PTPN4: variants seen among roughly 807,000 people sequenced by gnomAD.
The protein encoded by PTPN4 is tyrosine-protein phosphatase non-receptor type 4.
A neutral mutation model predicts 135.5 loss-of-function variants in PTPN4; 49 were observed. The observed-to-expected ratio is 0.36, with a 90% CI of 0.29 to 0.46. The LOEUF (loss-of-function observed/expected upper bound fraction) is 0.46. Ranked by LOEUF, PTPN4 falls within the 20% of genes least tolerant of loss-of-function variation. The pLI is 1.00. For synonymous variants in PTPN4, 333 were observed against 369.9 expected (o/e 0.90, Z 1.14); for missense variants, 860 against 1,101.0 (o/e 0.78, Z 3.10).
In PTPN4 at chr2:119,970,211, A is replaced by C. The variant is rs1463123655; in HGVS notation, c.2694+2239A>C. On this transcript the variant is annotated intron_variant, in intron 26 of 26. Transcript: ENST00000263708. ...AGTAGCTGGGATTACAGGCACCCGCAACCACGCCCAGCTAATTTTTGTATT... is the reference window on the plus strand; with the variant it reads ...AGTAGCTGGGATTACAGGCACCCGCCACCACGCCCAGCTAATTTTTGTATT... Among the ~76,000 whole-genome samples, 4 of 151,730 alleles carry C rather than the reference A, an allele frequency of 2.6e-5. No homozygotes were observed. The South Asian group carries it at 6.2e-4, about 24-fold the overall frequency.
At chr2:119,807,162 A>G (rs926223796) in intron 1 of PTPN4, among the ~76,000 whole-genome samples, 7 of 152,210 alleles carry the variant, frequency 4.6e-5, no homozygotes, top group Admixed American at 3.9e-4. Flanking sequence ...ATTACAATGA[A>G]AAGAACTAGA....
intron 15 of PTPN4, among the ~76,000 whole-genome samples, chr2:119,941,719 C>T (rs1558770263): frequency 6.6e-6 from 1 of 152,200 alleles, no homozygotes; most frequent in African/African-American, 2.4e-5. Flanking sequence ...ATCTATACTT[C>T]ATTCTCCTCA....
chr2:119,935,164 T>C, intron 15 of PTPN4: 1 of 592,896 alleles, frequency 1.7e-6, no homozygotes, highest in Non-Finnish European at 2.9e-6. Flanking sequence ...TGTTATTTTG[T>C]TGACTTAGAC....
At chr2:119,830,376 T>C (rs537931239) in intron 2 of PTPN4, among the ~76,000 whole-genome samples, 8 of 152,212 alleles carry the variant, frequency 5.3e-5, no homozygotes, top group Admixed American at 4.6e-4. Context: ...GATTGGATCA[T>C]AAGGGTGGTT....
chr2:119,773,780 A>G (rs1690779115), intron 1 of PTPN4, among the ~76,000 whole-genome samples: 1 of 151,924 alleles, frequency 6.6e-6, no homozygotes, highest in South Asian at 2.1e-4. Flanking sequence ...GATGTCATGA[A>G]TACATAAAAT....
intron 14 of PTPN4, 73 bp downstream of exon 14, chr2:119,932,622 T>C (rs1449164390): frequency 1.5e-5 from 22 of 1,452,270 alleles, no homozygotes; most frequent in Non-Finnish European, 2.0e-5. Flanking sequence ...TATATTTTTA[T>C]GCCTGAAGAC....
intron 2 of PTPN4, among the ~76,000 whole-genome samples, chr2:119,816,029 A>G (rs976982944): frequency 3.3e-5 from 5 of 152,180 alleles, no homozygotes; most frequent in African/African-American, 1.2e-4. Context: ...AACAACAGGC[A>G]TACATCCTGA....
At chr2:119,773,258 A>G (rs1024211389) in intron 1 of PTPN4, among the ~76,000 whole-genome samples, 42 of 152,180 alleles carry the variant, frequency 2.8e-4, no homozygotes, top group African/African-American at 9.4e-4. Context: ...TTGGTGGAAA[A>G]TGCTACAAGT....
Position 119,923,001 on chromosome 2 carries a change from G to A in PTPN4, c.1001+2760G>A, listed in dbSNP as rs537006917. On this transcript the variant is annotated intron_variant, in intron 12 of 26. Transcript: ENST00000263708. Reference sequence around the variant, plus strand: ...TAATCTCTCTAGAATATGTAATAATGTTGCTTCTCTCATTCTTGGTAACTT... The same window carrying A: ...TAATCTCTCTAGAATATGTAATAATATTGCTTCTCTCATTCTTGGTAACTT... 2.0e-5 allele frequency among the ~76,000 whole-genome samples: 3 copies of A among 152,198 alleles called. 1 individual carries two copies. The South Asian group carries it at 6.2e-4, about 32-fold the overall frequency.
chr2:119,793,267 CT>C (rs979197774), intron 1 of PTPN4, among the ~76,000 whole-genome samples: 2 of 152,168 alleles, frequency 1.3e-5, no homozygotes, highest in African/African-American at 2.4e-5. Context: ...ATATTCCTTA[CT>C]GGGGAAAGAA....
chr2:119,768,826 AT>A (rs1690684857), intron 1 of PTPN4, among the ~76,000 whole-genome samples: 1 of 152,158 alleles, frequency 6.6e-6, no homozygotes, highest in Non-Finnish European at 1.5e-5. Context: ...CAGGACAGAA[AT>A]TTGTTAGAAA....
At position 119,957,050 on chromosome 2, in the gene PTPN4, A is replaced by G; in HGVS notation, c.2106A>G (p.Glu702=). Residue 702 remains glutamate (E), a synonymous_variant, in exon 22 of 27, where the codon GAA becomes GAG. Transcript: ENST00000263708. ...CACGGGTCATTTTAAAAGGTAATGA[A>G]GACTACATCAATGCGAACTATATAA... ...DATRVILKGN[E]DYINANYINM... is the part of the protein sequence containing the mutation. The G allele has an allele frequency of 6.2e-7, 1 of 1,610,478 alleles. No homozygotes were observed. The highest frequency in any genetic ancestry group is 8.5e-7 in the Non-Finnish European group (1 of 1,178,600).
chr2:119,930,570 T>C (rs559474935), intron 13 of PTPN4, among the ~76,000 whole-genome samples: 8 of 152,272 alleles, frequency 5.3e-5, no homozygotes, highest in African/African-American at 1.7e-4. Flanking sequence ...ACATCTAGAA[T>C]TCAGAGTCCT....
At chr2:119,959,451 A>G (rs1049950913) in intron 22 of PTPN4, among the ~76,000 whole-genome samples, 1 of 152,254 alleles carries the variant, frequency 6.6e-6, no homozygotes, top group Non-Finnish European at 1.5e-5. Context: ...GGTTAAATAT[A>G]CTATGGGGCC....
intron 2 of PTPN4, among the ~76,000 whole-genome samples, chr2:119,825,049 G>A (rs1364737504): frequency 6.6e-6 from 1 of 152,020 alleles, no homozygotes; most frequent in African/African-American, 2.4e-5. Context: ...AGTTGTATAG[G>A]GTCTTTCCTA....
intron 8 of PTPN4, among the ~76,000 whole-genome samples, chr2:119,883,446 T>G (rs948744382): frequency 6.6e-6 from 1 of 152,146 alleles, no homozygotes; most frequent in Admixed American, 6.5e-5. Context: ...TCATTCAACT[T>G]TGATTTTTTT....
At position 119,882,609 on chromosome 2, in the gene PTPN4, A is replaced by G. The variant is rs541291486; in HGVS notation, c.573A>G (p.Leu191=). ...PQDFEKEIAK[L]HQQHIGLSPA... Reference sequence around the variant, plus strand: ...ATTTTGAAAAAGAAATTGCAAAATTACATCAGCAACACATGTAAGAGTTTT... The same window carrying G: ...ATTTTGAAAAAGAAATTGCAAAATTGCATCAGCAACACATGTAAGAGTTTT... Residue 191 remains leucine (L), a synonymous_variant, in exon 8 of 27, where the codon TTA becomes TTG. Coordinates refer to ENST00000263708, the MANE Select transcript of PTPN4 (RefSeq NM_002830.4). 3.9e-6 allele frequency: 6 copies of G among 1,539,858 alleles called. No individual in the cohort carries two copies. The Admixed American group carries it at 9.5e-5, about 24-fold the overall frequency.
chr2:119,979,758 G>A lies in PTPN4; in HGVS notation c.*2688G>A, dbSNP rs1199793700. 1 of 152,018 alleles carries A rather than the reference G, an allele frequency of 6.6e-6. No homozygotes were observed. Among genetic ancestry groups the A allele is most frequent in the East Asian group, 1.9e-4 (1 of 5,198 alleles). The allele number at this position is 152,018 out of a possible 1,614,324, so 9.4% of individuals were successfully genotyped here. On this transcript the variant is annotated 3_prime_UTR_variant, in exon 27 of 27. Transcript: ENST00000263708. ...TCTAAGCTACGCTCCCACTCTTCCA[G>A]CCACCCCTACCTCCCACCTTGACAC...
rs11902321 is a variant in PTPN4, at chr2:119,815,130, C to T, written c.138+5139C>T. Among the ~76,000 whole-genome samples, 551 of 152,206 alleles carry T rather than the reference C, an allele frequency of 3.6e-3. 3 individuals carry two copies. The highest frequency in any genetic ancestry group is 0.013 in the African/African-American group (529 of 41,528). The stretch of plus-strand genomic sequence containing the variant: ...GCATAAGTCTGTTACTGAAAATGAC[C>T]TTTACTTCTATTGAAAGATTCTTGG... On this transcript the variant is annotated intron_variant, in intron 2 of 26. Coordinates refer to ENST00000263708, the MANE Select transcript of PTPN4 (RefSeq NM_002830.4).
Sources: allele counts gnomAD v4.1 joint callset (sites outside exome capture counted in the v4.1 genomes callset), GRCh38; gene constraint gnomAD v4.1.1; transcripts MANE v1.5; gene names NCBI Gene and HGNC (gene_info 2026-07-23, HGNC 2026-07-21).